Variants in LRRC3B observed in about 807,000 individuals in gnomAD.
LRRC3B encodes leucine-rich repeat-containing protein 3B.
In LRRC3B, 2 loss-of-function variants were observed where a neutral mutation model predicts 12.8. The ratio of observed to expected loss-of-function variants is 0.16; its 90% CI spans 0.06 to 0.49. The LOEUF (loss-of-function observed/expected upper bound fraction) is 0.49, where lower values mean the gene tolerates loss of function less well. LRRC3B is among the 20% of genes least tolerant of loss of function. The probability of loss-of-function intolerance (pLI) is 0.96; values close to 1 mark genes in which losing one functional copy is unlikely to be tolerated. For missense variants in LRRC3B, 189 were observed against 319.4 expected, an observed-to-expected ratio of 0.59 and a Z score of 3.11; for synonymous variants, 132 against 122.0, an observed-to-expected ratio of 1.08 and a Z score of -0.54.
chr3:26,630,261 C>T (rs974594773), intron 1 of LRRC3B, among the ~76,000 whole-genome samples: 11 of 151,372 alleles, frequency 7.3e-5, no homozygotes, highest in Non-Finnish European at 1.5e-4. Flanking sequence ...CAGAGTGCCA[C>T]ATTAATGTGG....
At chr3:26,665,827 G>C (rs992966150) in intron 1 of LRRC3B, among the ~76,000 whole-genome samples, 1 of 152,128 alleles carries the variant, frequency 6.6e-6, no homozygotes, top group Non-Finnish European at 1.5e-5. Flanking sequence ...AAGTCCCAAA[G>C]GCATGTGATG....
chr3:26,630,058 A>G (rs529349885), intron 1 of LRRC3B, among the ~76,000 whole-genome samples: 3 of 152,286 alleles, frequency 2.0e-5, no homozygotes, highest in East Asian at 3.9e-4. Context: ...TAGTAAACCT[A>G]AACCAAAGGA....
intron 1 of LRRC3B, among the ~76,000 whole-genome samples, chr3:26,705,108 A>T (rs577117205): frequency 6.6e-6 from 1 of 152,282 alleles, no homozygotes; most frequent in Non-Finnish European, 1.5e-5. Flanking sequence ...GAAAGAAATA[A>T]GCAGAAAGAC....
chr3:26,686,378 C>T (rs1398232431), intron 1 of LRRC3B, among the ~76,000 whole-genome samples: 1 of 152,130 alleles, frequency 6.6e-6, no homozygotes, highest in African/African-American at 2.4e-5. Context: ...CGCGCCCGGC[C>T]GGTAAATGGT....
chr3:26,650,472 C>T (rs569025663), intron 1 of LRRC3B, among the ~76,000 whole-genome samples: 2 of 152,172 alleles, frequency 1.3e-5, no homozygotes, highest in Admixed American at 6.6e-5. Flanking sequence ...CAGCTCCCCC[C>T]ACCAGTGGCA....
At chr3:26,703,957 A>G (rs760339013) in intron 1 of LRRC3B, among the ~76,000 whole-genome samples, 2 of 151,970 alleles carry the variant, frequency 1.3e-5, no homozygotes, top group African/African-American at 2.4e-5. Context: ...TATTTATTGT[A>G]AAATAAAATA....
intron 1 of LRRC3B, among the ~76,000 whole-genome samples, chr3:26,633,500 C>T (rs2125401915): frequency 6.6e-6 from 1 of 152,214 alleles, no homozygotes; most frequent in Non-Finnish European, 1.5e-5. Context: ...TGAATATGCA[C>T]ATATGAAAAC....
At chr3:26,656,451 A>G (rs1176117730) in intron 1 of LRRC3B, among the ~76,000 whole-genome samples, 1 of 152,168 alleles carries the variant, frequency 6.6e-6, no homozygotes, top group African/African-American at 2.4e-5. Context: ...CAAGTTTGCC[A>G]CTGTTATCTC....
chr3:26,690,358 C>T lies in LRRC3B; in HGVS notation c.-160-19155C>T, dbSNP rs186976346. On this transcript the variant is annotated intron_variant, in intron 1 of 1. Coordinates refer to ENST00000396641, the Ensembl canonical transcript of LRRC3B. The stretch of plus-strand genomic sequence containing the variant: ...GCCTGCATGGATTCTACTGTCTTTA[C>T]TTATCTTACCTGCCATTTGGTTCAC... Among the ~76,000 whole-genome samples the T allele has an allele frequency of 1.2e-3, 180 of 152,268 alleles. 1 individual carries two copies. Among genetic ancestry groups the T allele is most frequent in the Non-Finnish European group, 7.8e-4 (53 of 68,020 alleles).
intron 1 of LRRC3B, among the ~76,000 whole-genome samples, chr3:26,628,437 A>G (rs868042512): frequency 2.1e-3 from 323 of 151,306 alleles, no homozygotes; most frequent in African/African-American, 7.4e-3. Flanking sequence ...AAAAAAAAAA[A>G]AAGCTCAGAG....
exon 2 of LRRC3B, chr3:26,710,504 T>A (rs1426978677): frequency 1.3e-6 from 2 of 1,488,798 alleles, no homozygotes; most frequent in Admixed American, 4.5e-5. Flanking sequence ...GCGATTGCAG[T>A]AGAAATAAGT....
chr3:26,669,657 AAG>A (rs532899198), intron 1 of LRRC3B, among the ~76,000 whole-genome samples: 4 of 152,322 alleles, frequency 2.6e-5, no homozygotes, highest in African/African-American at 7.2e-5. Flanking sequence ...TGGAAAATAA[AAG>A]AGGTTTCCTA....
intron 1 of LRRC3B, among the ~76,000 whole-genome samples, chr3:26,696,180 G>A (rs919499908): frequency 2.0e-5 from 3 of 152,134 alleles, no homozygotes; most frequent in African/African-American, 7.2e-5. Context: ...TGAAAGTCAT[G>A]ACAATTTACA....
chr3:26,638,422 C>T (rs1039983648), intron 1 of LRRC3B, among the ~76,000 whole-genome samples: 2 of 152,082 alleles, frequency 1.3e-5, no homozygotes, highest in Non-Finnish European at 2.9e-5. Context: ...AAAAAAAAAT[C>T]AGAAAAGATC....
At chr3:26,642,549 T>C (rs909751663) in intron 1 of LRRC3B, among the ~76,000 whole-genome samples, 2 of 152,034 alleles carry the variant, frequency 1.3e-5, no homozygotes, top group Non-Finnish European at 2.9e-5. Context: ...CTTGGCCAAA[T>C]GAATAGCTGG....
At chr3:26,644,969 T>G (rs1699112116) in intron 1 of LRRC3B, among the ~76,000 whole-genome samples, 2 of 152,110 alleles carry the variant, frequency 1.3e-5, no homozygotes, top group Non-Finnish European at 2.9e-5. Flanking sequence ...AACATAGACC[T>G]GCAGACACAT....
intron 1 of LRRC3B, among the ~76,000 whole-genome samples, chr3:26,639,354 A>G (rs1370154525): frequency 6.6e-6 from 1 of 152,128 alleles, no homozygotes; most frequent in Non-Finnish European, 1.5e-5. Flanking sequence ...TTGGACACTA[A>G]ATTTTCATTA....
chr3:26,685,776 TGC>T (rs1700075782), intron 1 of LRRC3B, among the ~76,000 whole-genome samples: 3 of 152,038 alleles, frequency 2.0e-5, no homozygotes, highest in African/African-American at 7.2e-5. Flanking sequence ...CTGAGCAAGT[TGC>T]CTGCTTTCCT....
intron 1 of LRRC3B, among the ~76,000 whole-genome samples, chr3:26,633,848 T>C (rs533867937): frequency 3.9e-5 from 6 of 152,176 alleles, no homozygotes; most frequent in Non-Finnish European, 8.8e-5. Flanking sequence ...TTTTAGTCCT[T>C]TTTTTAAAAT....
Sources: gnomAD v4.1 joint callset for allele counts (sites outside exome capture counted in the v4.1 genomes callset) on GRCh38, gnomAD v4.1.1 for gene constraint, MANE v1.5 for transcripts, NCBI Gene and HGNC (gene_info 2026-07-23, HGNC 2026-07-21) for gene names.